Variants in CDH13 observed in about 807,000 individuals in gnomAD.
The protein encoded by CDH13 is cadherin-13.
CDH13 carries 24 observed loss-of-function variants against 63.8 expected under a neutral mutation model. The observed-to-expected ratio is 0.38, with a 90% CI of 0.27 to 0.53. CDH13 has a LOEUF of 0.53. CDH13 is among the 20% of genes least tolerant of loss of function. CDH13 has a pLI of 0.85. For missense variants in CDH13, 1,049 were observed against 903.1 expected, an observed-to-expected ratio of 1.16 and a Z score of -2.07; for synonymous variants, 503 against 355.3, an observed-to-expected ratio of 1.42 and a Z score of -4.67.
chr16:82,960,180 A>G (rs1260609315), intron 2 of CDH13, among the ~76,000 whole-genome samples: 1 of 152,168 alleles, frequency 6.6e-6, no homozygotes, highest in East Asian at 1.9e-4. Flanking sequence ...GAGGTGAGAG[A>G]GAGAGTCAAA....
chr16:82,884,943 G>C (rs1346085711), intron 2 of CDH13, among the ~76,000 whole-genome samples: 2 of 152,066 alleles, frequency 1.3e-5, no homozygotes, highest in African/African-American at 4.8e-5. Context: ...TCTTTCTTTT[G>C]GGGAGAAAAT....
chr16:83,542,718 C>G (rs2075317152), intron 7 of CDH13, among the ~76,000 whole-genome samples: 2 of 152,218 alleles, frequency 1.3e-5, no homozygotes, highest in Admixed American at 1.3e-4. Context: ...GCATCCACCA[C>G]TCCAGTCCTC....
intron 1 of CDH13, among the ~76,000 whole-genome samples, chr16:82,763,216 C>T (rs1202366957): frequency 1.3e-5 from 2 of 152,180 alleles, no homozygotes; most frequent in Admixed American, 6.5e-5. Context: ...CTTAAACATC[C>T]TCTTTTTGCA....
At chr16:83,424,257 G>A (rs7197823) in intron 6 of CDH13, among the ~76,000 whole-genome samples, 143,382 of 145,516 alleles carry the variant, frequency 0.99, 70,635 homozygotes, top group East Asian at 1. Context: ...ACATGGACTG[G>A]ACAGTCTAGA....
intron 4 of CDH13, among the ~76,000 whole-genome samples, chr16:83,131,567 G>A (rs1368866410): frequency 6.6e-6 from 1 of 152,064 alleles, no homozygotes; most frequent in East Asian, 1.9e-4. Context: ...CATCTTTAAA[G>A]ATTTTTGAGT....
intron 1 of CDH13, among the ~76,000 whole-genome samples, chr16:82,839,880 G>T (rs1788753367): frequency 6.6e-6 from 1 of 152,150 alleles, no homozygotes; most frequent in Non-Finnish European, 1.5e-5. Context: ...AGAAAAATCA[G>T]ACTTACTTTG....
chr16:83,300,262 C>T (rs867283309), intron 5 of CDH13, among the ~76,000 whole-genome samples: 6 of 152,188 alleles, frequency 3.9e-5, no homozygotes, highest in Admixed American at 2.0e-4. Context: ...GTTTAAACTC[C>T]TGGAAATTCA....
intron 7 of CDH13, among the ~76,000 whole-genome samples, chr16:83,525,928 T>C (rs1463154748): frequency 6.6e-6 from 1 of 152,122 alleles, no homozygotes; most frequent in South Asian, 2.1e-4. Flanking sequence ...CCCAAGAAGC[T>C]GGAAAAAGTG....
At chr16:83,124,526 A>G (rs1435231389) in intron 3 of CDH13, among the ~76,000 whole-genome samples, 2 of 133,816 alleles carry the variant, frequency 1.5e-5, no homozygotes, top group Non-Finnish European at 3.3e-5. Context: ...TGAATTGTCC[A>G]TTTTTTTTTT....
chr16:82,637,282 T>C (rs1908768334), intron 1 of CDH13, among the ~76,000 whole-genome samples: 1 of 152,188 alleles, frequency 6.6e-6, no homozygotes, highest in African/African-American at 2.4e-5. Context: ...TCTGTGGCAG[T>C]ATTGATTCCG....
chr16:83,729,208 A>G (rs144242102), intron 10 of CDH13, among the ~76,000 whole-genome samples: 96 of 152,298 alleles, frequency 6.3e-4, no homozygotes, highest in African/African-American at 2.3e-3. Context: ...CAAGTATAAA[A>G]TGGATATATT....
chr16:83,276,992 A>G (rs1024259710), intron 5 of CDH13, among the ~76,000 whole-genome samples: 1 of 152,200 alleles, frequency 6.6e-6, no homozygotes, highest in Non-Finnish European at 1.5e-5. Flanking sequence ...TCATGAGAAC[A>G]ACATGGGAAA....
At chr16:82,848,074 C>G (rs1051744926) in intron 1 of CDH13, among the ~76,000 whole-genome samples, 1 of 152,074 alleles carries the variant, frequency 6.6e-6, no homozygotes, top group African/African-American at 2.4e-5. Context: ...GTTCAAAGAA[C>G]AAAGAGAAAG....
chr16:83,472,551 G>C (rs772777124), intron 6 of CDH13, among the ~76,000 whole-genome samples: 1 of 152,174 alleles, frequency 6.6e-6, no homozygotes, highest in African/African-American at 2.4e-5. Context: ...CCCCAGATCC[G>C]AGGGAGCATC....
chr16:82,811,152 C>A (rs1381288632), intron 1 of CDH13, among the ~76,000 whole-genome samples: 1 of 152,182 alleles, frequency 6.6e-6, no homozygotes, highest in Non-Finnish European at 1.5e-5. Context: ...GGAACTGGTT[C>A]TGTCTTACCA....
chr16:83,574,038 C>T (rs552946317), intron 7 of CDH13, among the ~76,000 whole-genome samples: 9 of 152,158 alleles, frequency 5.9e-5, no homozygotes, highest in African/African-American at 7.2e-5. Context: ...ACAGTTTTCC[C>T]GAGACAGTCC....
At chr16:82,989,228 G>A (rs780234995) in intron 2 of CDH13, among the ~76,000 whole-genome samples, 1 of 152,134 alleles carries the variant, frequency 6.6e-6, no homozygotes, top group Non-Finnish European at 1.5e-5. Flanking sequence ...CAAGGAATGG[G>A]GCTGTCTGTG....
At chr16:83,583,910 C>G (rs1905881779) in intron 7 of CDH13, among the ~76,000 whole-genome samples, 2 of 151,204 alleles carry the variant, frequency 1.3e-5, no homozygotes, top group African/African-American at 4.9e-5. Flanking sequence ...GAGCAAGACT[C>G]TGTCTCAAAG....
At chr16:82,812,464 C>T (rs987825221) in intron 1 of CDH13, among the ~76,000 whole-genome samples, 19 of 151,996 alleles carry the variant, frequency 1.3e-4, no homozygotes, top group African/African-American at 4.6e-4. Flanking sequence ...GGAGCAGCCA[C>T]AAAGATAGGA....
Sources: allele counts gnomAD v4.1 joint callset (sites outside exome capture counted in the v4.1 genomes callset), GRCh38; gene constraint gnomAD v4.1.1; transcripts MANE v1.5; gene names NCBI Gene and HGNC (gene_info 2026-07-23, HGNC 2026-07-21).